The following ANKRD12 variants were observed in gnomAD, a reference collection of about 807,000 sequenced individuals.
ANKRD12 encodes ankyrin repeat domain-containing protein 12.
In ANKRD12, 85 loss-of-function variants were observed where a neutral mutation model predicts 183.4. That is an observed-to-expected ratio of 0.46 (90% CI 0.39 to 0.56). The LOEUF is 0.56. ANKRD12 is among the 20% of genes least tolerant of loss of function. ANKRD12 has a pLI of 0.00. For missense variants in ANKRD12, 2,405 were observed against 2,357.1 expected (o/e 1.02, Z -0.42); for synonymous variants, 914 against 800.2 (o/e 1.14, Z -2.40).
chr18:9,270,215 G>C (rs1209704303), intron 10 of ANKRD12, among the ~76,000 whole-genome samples: 1 of 152,138 alleles, frequency 6.6e-6, no homozygotes, highest in African/African-American at 2.4e-5. Flanking sequence ...CGATTCCTTA[G>C]GGATCTAGAA....
At chr18:9,254,130 C>T (rs2038458114) in intron 8 of ANKRD12, 81 bp from the exon 9 acceptor site, 2 of 1,417,176 alleles carry the variant, frequency 1.4e-6, no homozygotes, top group Admixed American at 2.7e-5. Flanking sequence ...TAAGCTATAT[C>T]TTTTTCTCAG....
chr18:9,255,266 AAAG>A lies in ANKRD12; in HGVS notation c.2002_2004del (p.Glu668del), dbSNP rs554519377. The A allele has an allele frequency of 8.3e-6, 13 of 1,572,320 alleles. No homozygotes were observed. The highest frequency in any genetic ancestry group is 4.2e-5 in the African/African-American group (3 of 72,284). On this transcript the variant is annotated inframe_deletion, in exon 9 of 13. Transcript: ENST00000262126. ...AGAGAGGGAAAAAGAAAAGCATAAA[AAAG>A]AAATTGAAGGTGAAAAGGAAAAATA...
At chr18:9,240,849 CATAAA>C (rs1241607822) in intron 8 of ANKRD12, among the ~76,000 whole-genome samples, 4 of 152,128 alleles carry the variant, frequency 2.6e-5, no homozygotes, top group Non-Finnish European at 5.9e-5. Context: ...GTTTCTGTGT[CATAAA>C]ATAAACAAAA....
chr18:9,174,335 C>T (rs1394114563), intron 1 of ANKRD12, among the ~76,000 whole-genome samples: 1 of 152,204 alleles, frequency 6.6e-6, no homozygotes, highest in African/African-American at 2.4e-5. Context: ...CAGGATTCAG[C>T]CCTCTTCCTA....
chr18:9,281,266 CTG>C lies in ANKRD12; in HGVS notation c.*142_*143del, dbSNP rs1479309026. 2 of 600,094 alleles carry C rather than the reference CTG, an allele frequency of 3.3e-6. No homozygotes were observed. Among genetic ancestry groups the C allele is most frequent in the Non-Finnish European group, 5.6e-6 (2 of 359,806 alleles). 37.2% of individuals were successfully genotyped at this position (600,094 alleles called of 1,614,324 possible). ...ATTATAGTTGGTTATGTAGTAAACA[CTG>C]TCATTTTATAAAAAATGAGAATTAT... is the stretch of plus-strand genomic sequence containing the variant. On this transcript the variant is annotated 3_prime_UTR_variant, in exon 13 of 13. Coordinates refer to ENST00000262126, the MANE Select transcript of ANKRD12 (RefSeq NM_015208.5).
intron 1 of ANKRD12, among the ~76,000 whole-genome samples, chr18:9,166,499 T>G (rs2032082844): frequency 6.6e-6 from 1 of 152,158 alleles, no homozygotes; most frequent in Non-Finnish European, 1.5e-5. Context: ...TCATGTGTTT[T>G]TTGGCTGCAT....
At chr18:9,248,769 G>C (rs1164376138) in intron 8 of ANKRD12, among the ~76,000 whole-genome samples, 2 of 152,232 alleles carry the variant, frequency 1.3e-5, no homozygotes, top group African/African-American at 4.8e-5. Context: ...CAAGCTATAT[G>C]ATAGCTATGG....
At chr18:9,254,160 G>T in intron 8 of ANKRD12, 51 bp from the exon 9 acceptor site, 1 of 1,435,682 alleles carries the variant, frequency 7.0e-7, no homozygotes, top group South Asian at 1.7e-5. Flanking sequence ...TTATTTTTCT[G>T]GCAGTTGTGT....
rs137925931 is a variant in ANKRD12 at position 9,221,572 on chromosome 18, T to G, written c.796-280T>G. Among the ~76,000 whole-genome samples, 952 of 152,300 alleles carry G rather than the reference T, an allele frequency of 6.3e-3. 10 individuals are homozygous for G. Among genetic ancestry groups the G allele is most frequent in the African/African-American group, 0.021 (893 of 41,562 alleles). The stretch of plus-strand genomic sequence containing the variant: ...TAGGTTCTCAATAAATATTTGACTT[T>G]ATGATGGAACAGGATGAAAAAATGA... On this transcript the variant is annotated intron_variant, in intron 7 of 12. Coordinates refer to ENST00000262126, the MANE Select transcript of ANKRD12 (RefSeq NM_015208.5).
chr18:9,184,662 C>T (rs1381068653), intron 2 of ANKRD12, among the ~76,000 whole-genome samples: 4 of 152,112 alleles, frequency 2.6e-5, no homozygotes, highest in African/African-American at 9.7e-5. Context: ...TGAGCCACCA[C>T]ACCCTGGCCG....
intron 11 of ANKRD12, 107 bp from the exon 12 acceptor site, chr18:9,279,442 A>T: frequency 1.5e-6 from 1 of 687,540 alleles, no homozygotes; most frequent in Non-Finnish European, 2.5e-6. Context: ...CTCAAAATAT[A>T]TTTTCATCGT....
chr18:9,233,756 G>C (rs553478502), intron 8 of ANKRD12, among the ~76,000 whole-genome samples: 1 of 152,322 alleles, frequency 6.6e-6, no homozygotes, highest in African/African-American at 2.4e-5. Flanking sequence ...GTGAAGTTTT[G>C]CTAGGGACAG....
chr18:9,239,014 C>A (rs1168801748), intron 8 of ANKRD12, among the ~76,000 whole-genome samples: 1 of 152,044 alleles, frequency 6.6e-6, no homozygotes, highest in Non-Finnish European at 1.5e-5. Context: ...CCCAGCTATT[C>A]GGGATGGGGC....
At chr18:9,169,279 T>C (rs893267582) in intron 1 of ANKRD12, among the ~76,000 whole-genome samples, 14 of 152,202 alleles carry the variant, frequency 9.2e-5, no homozygotes, top group African/African-American at 3.4e-4. Flanking sequence ...TTGTTAACTT[T>C]CTGTCTCGTT....
At chr18:9,234,342 C>T (rs998843362) in intron 8 of ANKRD12, among the ~76,000 whole-genome samples, 7 of 152,086 alleles carry the variant, frequency 4.6e-5, no homozygotes, top group African/African-American at 9.7e-5. Flanking sequence ...AGTGGCGGGG[C>T]GACGGGGGAT....
intron 12 of ANKRD12, 46 bp downstream of exon 12, chr18:9,279,690 TA>T (rs61228777): frequency 0.12 from 100,326 of 803,930 alleles, 683 homozygotes; most frequent in South Asian, 0.16. Context: ...TCCCCCTTCT[TA>T]AAAAAAAAAA....
At chr18:9,211,903 C>T in intron 6 of ANKRD12, 119 bp downstream of exon 6, 2 of 876,088 alleles carry the variant, frequency 2.3e-6, no homozygotes, top group Non-Finnish European at 3.4e-6. Context: ...TAAAAATACT[C>T]TTTATTACAA....
intron 9 of ANKRD12, among the ~76,000 whole-genome samples, chr18:9,261,205 G>T (rs1464940450): frequency 1.3e-5 from 2 of 152,254 alleles, no homozygotes; most frequent in South Asian, 2.1e-4. Context: ...GACCTTTCAT[G>T]GTTCTCTGTT....
intron 5 of ANKRD12, among the ~76,000 whole-genome samples, chr18:9,210,105 A>G (rs1325136327): frequency 6.6e-6 from 1 of 152,076 alleles, no homozygotes; most frequent in Non-Finnish European, 1.5e-5. Flanking sequence ...ATTAATATGT[A>G]TAGAATTAGA....
Sources: allele counts gnomAD v4.1 joint callset (sites outside exome capture counted in the v4.1 genomes callset), GRCh38; gene constraint gnomAD v4.1.1; transcripts MANE v1.5; gene names NCBI Gene and HGNC (gene_info 2026-07-23, HGNC 2026-07-21).